HPSE2: variants seen among roughly 807,000 people sequenced by gnomAD.
The protein encoded by HPSE2 is heparanase 2 (inactive).
A neutral mutation model predicts 60.5 loss-of-function variants in HPSE2; 38 were observed. The observed-to-expected ratio is 0.63, with a 90% CI of 0.48 to 0.82. HPSE2 has a LOEUF of 0.82. Among genes scored for constraint, HPSE2 ranks in the 40% least tolerant of loss-of-function variants. The probability of loss-of-function intolerance (pLI) is 0.00; values close to 1 mark genes in which losing one functional copy is unlikely to be tolerated. For missense variants in HPSE2, 713 were observed against 740.4 expected (o/e 0.96, Z 0.43); for synonymous variants, 295 against 293.2 (o/e 1.01, Z -0.06).
intron 3 of HPSE2, among the ~76,000 whole-genome samples, chr10:98,769,231 T>A (rs1950189693): frequency 6.6e-6 from 1 of 152,150 alleles, no homozygotes. Context: ...CACATAAATA[T>A]CCACAGTCCA....
chr10:99,311,883 C>A, the HPSE2 span, among the ~76,000 whole-genome samples: 1 of 152,192 alleles, frequency 6.6e-6, no homozygotes. Flanking sequence ...ATTAAAAGTG[C>A]TACTCCAGTG....
intron 3 of HPSE2, among the ~76,000 whole-genome samples, chr10:99,032,745 G>A (rs1323522544): frequency 6.6e-6 from 1 of 152,200 alleles, no homozygotes; most frequent in Non-Finnish European, 1.5e-5. Context: ...CTCTAAGGGA[G>A]AGTCTATTTC....
intron 9 of HPSE2, among the ~76,000 whole-genome samples, chr10:98,562,981 A>G (rs896407200): frequency 6.6e-6 from 1 of 152,120 alleles, no homozygotes; most frequent in Non-Finnish European, 1.5e-5. Context: ...TAAAAAACAA[A>G]CAAACAAACA....
At chr10:98,821,715 A>G (rs1951428996) in intron 3 of HPSE2, among the ~76,000 whole-genome samples, 1 of 152,192 alleles carries the variant, frequency 6.6e-6, no homozygotes, top group Non-Finnish European at 1.5e-5. Context: ...CTCCAGAGGG[A>G]ACCAAATTAA....
rs138359093 is a variant in HPSE2 at position 98,996,116 on chromosome 10, T to C, written c.610+148122A>G. On this transcript the variant is annotated intron_variant, in intron 3 of 11. Coordinates refer to ENST00000370552, the MANE Select transcript of HPSE2 (RefSeq NM_021828.5). ...AGAGATTGGTAAAAACTAAGGAAAC[T>C]TAAATAAAATCTACAGATTGGTTAA... is the stretch of plus-strand genomic sequence containing the variant. 6.9e-3 allele frequency among the ~76,000 whole-genome samples: 1,048 copies of C among 152,236 alleles called. 15 individuals carry two copies. Among genetic ancestry groups the C allele is most frequent in the African/African-American group, 0.024 (1,005 of 41,550 alleles).
intron 9 of HPSE2, among the ~76,000 whole-genome samples, chr10:98,597,910 GCAGTGAGCCGAGATCATGCCACTGCACTC>G (rs1174535738): frequency 2.1e-5 from 3 of 142,474 alleles, no homozygotes; most frequent in African/African-American, 5.4e-5. Flanking sequence ...GGTGGAGGTT[GCAGTGAGCCGAGATCATGCCACTGCACTC>G]CAGCCTGGGT....
intron 3 of HPSE2, among the ~76,000 whole-genome samples, chr10:98,788,688 G>T (rs1394923957): frequency 6.6e-6 from 1 of 152,032 alleles, no homozygotes; most frequent in African/African-American, 2.4e-5. Flanking sequence ...GCAATATTTG[G>T]GTGGGAGTGA....
chr10:99,096,276 GGTT>G (rs1485691667), intron 3 of HPSE2, among the ~76,000 whole-genome samples: 2 of 152,034 alleles, frequency 1.3e-5, no homozygotes. Flanking sequence ...TTTAAAATGT[GGTT>G]GTTTTCTTAT....
chr10:98,751,890 G>A (rs998114679), intron 3 of HPSE2, among the ~76,000 whole-genome samples: 4 of 152,178 alleles, frequency 2.6e-5, no homozygotes, highest in Non-Finnish European at 5.9e-5. Context: ...AGCAAAATTG[G>A]AAGTCAAAAT....
intron 3 of HPSE2, among the ~76,000 whole-genome samples, chr10:99,140,722 T>C (rs1192902002): frequency 6.6e-6 from 1 of 152,190 alleles, no homozygotes; most frequent in East Asian, 1.9e-4. Flanking sequence ...AGTTATTTAA[T>C]ACACGTCAAT....
chr10:98,780,092 G>A (rs1950430579), intron 3 of HPSE2, among the ~76,000 whole-genome samples: 2 of 152,126 alleles, frequency 1.3e-5, no homozygotes, highest in African/African-American at 4.8e-5. Flanking sequence ...GAGGAAGAGA[G>A]AGGGGAAGGG....
intron 3 of HPSE2, among the ~76,000 whole-genome samples, chr10:98,874,287 C>G (rs970949769): frequency 2.0e-5 from 3 of 151,914 alleles, no homozygotes; most frequent in African/African-American, 7.3e-5. Context: ...TTGCCCATGC[C>G]TATGTCCTGA....
intron 3 of HPSE2, among the ~76,000 whole-genome samples, chr10:98,946,688 C>T (rs188323902): frequency 8.1e-4 from 123 of 152,058 alleles, no homozygotes; most frequent in Non-Finnish European, 1.0e-3. Flanking sequence ...CACACAAACA[C>T]TTATAAACTA....
At chr10:99,190,737 C>CA (rs1184603729) in intron 2 of HPSE2, among the ~76,000 whole-genome samples, 4 of 151,808 alleles carry the variant, frequency 2.6e-5, no homozygotes, top group South Asian at 2.1e-4. Context: ...ACTATCCATA[C>CA]AAAAAAAAGC....
At chr10:98,875,878 T>C (rs1344459210) in intron 3 of HPSE2, among the ~76,000 whole-genome samples, 1 of 152,010 alleles carries the variant, frequency 6.6e-6, no homozygotes, top group African/African-American at 2.4e-5. Context: ...TATTGTTTTG[T>C]TTGTCATTTG....
chr10:98,762,470 A>G (rs1328174030), intron 3 of HPSE2, among the ~76,000 whole-genome samples: 1 of 152,200 alleles, frequency 6.6e-6, no homozygotes, highest in East Asian at 1.9e-4. Flanking sequence ...TCTGGATATG[A>G]AACAGCAGAA....
chr10:98,613,488 T>G (rs1418871851), intron 9 of HPSE2, among the ~76,000 whole-genome samples: 1 of 152,196 alleles, frequency 6.6e-6, no homozygotes, highest in African/African-American at 2.4e-5. Context: ...ATTACTTGGT[T>G]GTAATTGAGA....
At chr10:98,890,224 G>A (rs1953295511) in intron 3 of HPSE2, among the ~76,000 whole-genome samples, 1 of 151,896 alleles carries the variant, frequency 6.6e-6, no homozygotes, top group Admixed American at 6.6e-5. Context: ...CCACTCCTGG[G>A]ATTTATCTCT....
chr10:98,822,421 A>C (rs907458835), intron 3 of HPSE2, among the ~76,000 whole-genome samples: 2 of 152,212 alleles, frequency 1.3e-5, no homozygotes, highest in African/African-American at 4.8e-5. Flanking sequence ...ATATAATTTC[A>C]AGAATAATCA....
Sources: gnomAD v4.1 joint callset for allele counts (sites outside exome capture counted in the v4.1 genomes callset) on GRCh38, gnomAD v4.1.1 for gene constraint, MANE v1.5 for transcripts, NCBI Gene and HGNC (gene_info 2026-07-23, HGNC 2026-07-21) for gene names.